The following TBCK variants were observed in gnomAD, a reference collection of about 807,000 sequenced individuals.
TBCK encodes the protein TBC1 domain containing kinase.
Under a neutral mutation model 113.4 loss-of-function variants are expected in TBCK, and 99 were observed. The ratio of observed to expected loss-of-function variants is 0.87; its 90% CI spans 0.74 to 1.03. The LOEUF is 1.03. Among genes scored for constraint, TBCK ranks in the 50% least tolerant of loss-of-function variants. The pLI, the probability that TBCK is intolerant of heterozygous loss-of-function variation, is 0.00. For missense variants in TBCK, 1,045 were observed against 1,061.3 expected (o/e 0.98, Z 0.21); for synonymous variants, 369 against 370.8 (o/e 1.00, Z 0.05).
chr4:106,233,572 A>T lies in TBCK; in HGVS notation c.1512+16T>A. On this transcript the variant is annotated intron_variant, in intron 16 of 25. Coordinates refer to ENST00000394708, the MANE Select transcript of TBCK (RefSeq NM_001163435.3). Reference sequence around the variant, plus strand: ...GCAGAATTATCTTAGGTTGCTTAAGAAAACCTAAATCATACTTGTCTATCT... The same window carrying T: ...GCAGAATTATCTTAGGTTGCTTAAGTAAACCTAAATCATACTTGTCTATCT... 1 of 1,604,856 alleles carries T rather than the reference A, an allele frequency of 6.2e-7. No individual in the cohort carries two copies. Among genetic ancestry groups the T allele is most frequent in the Non-Finnish European group, 8.5e-7 (1 of 1,174,082 alleles).
chr4:106,050,425 T>C (rs1381899114), intron 25 of TBCK, among the ~76,000 whole-genome samples: 3 of 152,012 alleles, frequency 2.0e-5, no homozygotes, highest in Admixed American at 6.6e-5. Flanking sequence ...ATTTCCAAAA[T>C]TGACCAATTC....
chr4:106,308,678 G>C, intron 2 of TBCK, 90 bp downstream of exon 2: 1 of 1,231,250 alleles, frequency 8.1e-7, no homozygotes. Flanking sequence ...TGGTACTGAT[G>C]ATAGCTTTAT....
At chr4:106,192,415 C>A (rs187612210) in intron 22 of TBCK, among the ~76,000 whole-genome samples, 6 of 139,174 alleles carry the variant, frequency 4.3e-5, no homozygotes, top group African/African-American at 6.8e-5. Flanking sequence ...TCCCAGTTTG[C>A]GAAACTAGCT....
chr4:106,164,258 CT>C (rs1207448491), intron 23 of TBCK: 1 of 151,872 alleles, frequency 6.6e-6, no homozygotes, highest in Non-Finnish European at 1.5e-5. Flanking sequence ...CAAAGCTAAC[CT>C]TTTTGTTTTC....
In TBCK at chr4:106,242,522, C is replaced by T. The variant is rs1166439268; in HGVS notation, c.1118G>A (p.Ser373Asn). Residue 373 changes from serine to asparagine, a missense_variant, in exon 12 of 26, where the codon AGC becomes AAC. By Grantham distance (46) the Ser-to-Asn change is conservative. Coordinates refer to ENST00000394708, the MANE Select transcript of TBCK (RefSeq NM_001163435.3). ...CACAGTGGTATCATCTAAAAGCGAG[C>T]TTCTATCTCGACCTTGTCCAAAGCT... The part of the protein sequence containing the change: ...GESFGQGRDR[S>N]SLLDDTTVTL... 1 of 1,609,252 alleles carries T rather than the reference C, an allele frequency of 6.2e-7. No homozygotes were observed. The highest frequency in any genetic ancestry group is 8.5e-7 in the Non-Finnish European group (1 of 1,177,788).
chr4:106,188,038 ATTTC>A (rs1409650930), intron 22 of TBCK, among the ~76,000 whole-genome samples: 1 of 152,076 alleles, frequency 6.6e-6, no homozygotes, highest in Non-Finnish European at 1.5e-5. Context: ...GATGCCTTTA[ATTTC>A]TTTATCTTGC....
Position 106,233,570 on chromosome 4 carries a change from A to C in TBCK, c.1512+18T>G, listed in dbSNP as rs1667481994. 6.2e-7 allele frequency: 1 copy of C among 1,604,846 alleles called. No homozygotes were observed. Among genetic ancestry groups the C allele is most frequent in the African/African-American group, 1.3e-5 (1 of 74,618 alleles). On this transcript the variant is annotated intron_variant, in intron 16 of 25. Coordinates refer to ENST00000394708, the MANE Select transcript of TBCK (RefSeq NM_001163435.3). ...TGGCAGAATTATCTTAGGTTGCTTA[A>C]GAAAACCTAAATCATACTTGTCTAT...
chr4:106,178,416 T>C (rs1047554277), intron 22 of TBCK, among the ~76,000 whole-genome samples: 3 of 151,960 alleles, frequency 2.0e-5, no homozygotes, highest in African/African-American at 7.2e-5. Context: ...AAAAAGCCTG[T>C]TGGTTTTTCC....
intron 22 of TBCK, among the ~76,000 whole-genome samples, chr4:106,187,439 T>TG (rs1461623617): frequency 6.6e-6 from 1 of 151,834 alleles, no homozygotes; most frequent in African/African-American, 2.4e-5. Context: ...TTTTTTGAGA[T>TG]GGAGTCTTGC....
At position 106,247,124 on chromosome 4, in the gene TBCK, T is replaced by C. The variant is rs747342321; in HGVS notation, c.931+15A>G. ...CAAGGCTCATATTATTCTCTATGCT[T>C]TAATTTATCATTACCTTTACACAAC... On this transcript the variant is annotated intron_variant, in intron 10 of 25. Transcript: ENST00000394708. The C allele has an allele frequency of 1.2e-6, 2 of 1,604,162 alleles. No individual in the cohort carries two copies. Among genetic ancestry groups the C allele is most frequent in the Non-Finnish European group, 8.5e-7 (1 of 1,177,156 alleles).
chr4:106,071,477 TTC>T (rs1202589770), intron 25 of TBCK, among the ~76,000 whole-genome samples: 1 of 152,178 alleles, frequency 6.6e-6, no homozygotes, highest in African/African-American at 2.4e-5. Context: ...TTATTATAAT[TTC>T]TGTTCTTTTG....
chr4:106,240,204 C>T (rs1349458252), intron 12 of TBCK, among the ~76,000 whole-genome samples: 1 of 151,980 alleles, frequency 6.6e-6, no homozygotes, highest in African/African-American at 2.4e-5. Flanking sequence ...AAACTTATAA[C>T]TAAGAATAGA....
At chr4:106,297,196 T>C (rs974804362) in intron 2 of TBCK, among the ~76,000 whole-genome samples, 6 of 152,164 alleles carry the variant, frequency 3.9e-5, no homozygotes, top group Admixed American at 1.3e-4. Flanking sequence ...GAGATTTTAT[T>C]GCAAGCCCAA....
chr4:106,249,981 C>T (rs1761248800), intron 7 of TBCK, among the ~76,000 whole-genome samples: 1 of 152,030 alleles, frequency 6.6e-6, no homozygotes, highest in African/African-American at 2.4e-5. Flanking sequence ...TTTGGATCCA[C>T]ATACATGAAA....
chr4:106,065,873 G>A (rs748503869), intron 25 of TBCK, among the ~76,000 whole-genome samples: 4 of 151,992 alleles, frequency 2.6e-5, no homozygotes, highest in Non-Finnish European at 5.9e-5. Flanking sequence ...TAAGATCTTT[G>A]CAGTCCTTCT....
At chr4:106,225,903 T>A (rs566997569) in intron 19 of TBCK, among the ~76,000 whole-genome samples, 1 of 152,278 alleles carries the variant, frequency 6.6e-6, no homozygotes, top group African/African-American at 2.4e-5. Flanking sequence ...GGCTCAAGCC[T>A]GTAATTCCAG....
intron 3 of TBCK, among the ~76,000 whole-genome samples, chr4:106,291,859 G>A (rs1191685267): frequency 6.6e-6 from 1 of 152,174 alleles, no homozygotes; most frequent in Non-Finnish European, 1.5e-5. Context: ...GGATATTGAG[G>A]CACAATTGCT....
chr4:106,051,365 C>T (rs1244276667), intron 25 of TBCK, among the ~76,000 whole-genome samples: 1 of 151,910 alleles, frequency 6.6e-6, no homozygotes, highest in Non-Finnish European at 1.5e-5. Flanking sequence ...CATGGACTAA[C>T]TAAGACCCTG....
chr4:106,063,934 A>G (rs1466915174), intron 25 of TBCK, among the ~76,000 whole-genome samples: 1 of 151,922 alleles, frequency 6.6e-6, no homozygotes, highest in Non-Finnish European at 1.5e-5. Flanking sequence ...AATCTTTGGT[A>G]TTTTGTTCTT....
Sources: allele counts gnomAD v4.1 joint callset (sites outside exome capture counted in the v4.1 genomes callset), GRCh38; gene constraint gnomAD v4.1.1; transcripts MANE v1.5; gene names NCBI Gene and HGNC (gene_info 2026-07-23, HGNC 2026-07-21).